CLMN: variants seen among roughly 807,000 people sequenced by gnomAD.
CLMN encodes calmin (calponin-like, transmembrane).
In CLMN, 57 loss-of-function variants were observed where a neutral mutation model predicts 92.7. The ratio of observed to expected loss-of-function variants is 0.61; its 90% confidence interval spans 0.50 to 0.77. The LOEUF (loss-of-function observed/expected upper bound fraction) is 0.77. Ranked by LOEUF, CLMN falls within the 30% of genes least tolerant of loss-of-function variation. The pLI is 0.00. For missense variants in CLMN, 1,158 were observed against 1,237.5 expected (o/e 0.94, Z 0.96); for synonymous variants, 466 against 470.6 (o/e 0.99, Z 0.13).
At chr14:95,198,578 G>A (rs1422157385) in intron 9 of CLMN, among the ~76,000 whole-genome samples, 2 of 152,022 alleles carry the variant, frequency 1.3e-5, no homozygotes, top group Non-Finnish European at 2.9e-5. Flanking sequence ...TGAGGCAGCG[G>A]ACCGGAGCCA....
intron 1 of CLMN, among the ~76,000 whole-genome samples, chr14:95,299,403 C>A (rs1479399596): frequency 1.3e-5 from 2 of 152,198 alleles, no homozygotes; most frequent in Non-Finnish European, 1.5e-5. Context: ...TCTCCTCCAG[C>A]CCCACGGGAC....
chr14:95,251,798 G>C (rs1225724767), intron 1 of CLMN, among the ~76,000 whole-genome samples: 1 of 152,216 alleles, frequency 6.6e-6, no homozygotes, highest in Non-Finnish European at 1.5e-5. Context: ...TTTTGTTGGA[G>C]TGCTGGAGCT....
At chr14:95,209,302 A>G in intron 8 of CLMN, 93 bp downstream of exon 8, 1 of 1,149,250 alleles carries the variant, frequency 8.7e-7, no homozygotes, top group Non-Finnish European at 1.3e-6. Flanking sequence ...TGCTAGTTAC[A>G]CAGAGCAACG....
intron 1 of CLMN, among the ~76,000 whole-genome samples, chr14:95,232,385 C>T (rs1209313129): frequency 6.6e-6 from 1 of 152,226 alleles, no homozygotes; most frequent in Non-Finnish European, 1.5e-5. Flanking sequence ...AATTGATCTC[C>T]TGCAGGAGAG....
At chr14:95,312,249 T>C (rs1901574338) in intron 1 of CLMN, among the ~76,000 whole-genome samples, 1 of 152,158 alleles carries the variant, frequency 6.6e-6, no homozygotes, top group Admixed American at 6.5e-5. Context: ...ACTCCTAGCA[T>C]GTCCCATTCA....
At chr14:95,254,021 C>A (rs1187345010) in intron 1 of CLMN, among the ~76,000 whole-genome samples, 2 of 152,280 alleles carry the variant, frequency 1.3e-5, no homozygotes, top group East Asian at 3.9e-4. Flanking sequence ...CCAATTCTAC[C>A]CATGGGCAGA....
intron 1 of CLMN, among the ~76,000 whole-genome samples, chr14:95,316,514 C>T (rs1024088849): frequency 2.0e-5 from 3 of 152,212 alleles, no homozygotes; most frequent in Admixed American, 6.5e-5. Flanking sequence ...CCAGCTCACC[C>T]GGACCTCCAA....
intron 1 of CLMN, among the ~76,000 whole-genome samples, chr14:95,304,522 C>T (rs981620120): frequency 1.5e-4 from 23 of 151,956 alleles, no homozygotes; most frequent in African/African-American, 4.4e-4. Context: ...CAGCCGGATC[C>T]GTGCATCCCC....
rs779961550 is a variant in CLMN at position 95,194,561 on chromosome 14, C to T, written c.2744G>A (p.Arg915Gln). 27 of 1,614,000 alleles carry T rather than the reference C, an allele frequency of 1.7e-5. No individual in the cohort carries two copies. The East Asian group carries it at 2.0e-4, about 12-fold the overall frequency. ...SHSDSSIYLRRHTHRSSESDH... is the reference protein window; with the variant it reads ...SHSDSSIYLRQHTHRSSESDH... ...CGATTCCGAAGACCTATGAGTATGTCGTCGAAGGTAAATGCTGGAGTCACT... is the reference window on the plus strand; with the variant it reads ...CGATTCCGAAGACCTATGAGTATGTTGTCGAAGGTAAATGCTGGAGTCACT... Residue 915 changes from arginine (R) to glutamine (Q), a missense_variant, in exon 11 of 13, where the codon CGA becomes CAA. Arg to Gln is a conservative substitution (Grantham distance 43, BLOSUM62 1). Coordinates refer to ENST00000298912, the MANE Select transcript of CLMN (RefSeq NM_024734.4). The surrounding 1 kb of genome is among the most constrained non-coding windows in gnomAD (Gnocchi z 4.0).
chr14:95,208,345 G>A (rs913319922), intron 8 of CLMN, among the ~76,000 whole-genome samples: 15 of 152,126 alleles, frequency 9.9e-5, no homozygotes, highest in Admixed American at 2.6e-4. Flanking sequence ...TTATCAGCTC[G>A]GGGTTGTGCA....
At chr14:95,304,601 G>C (rs983112751) in intron 1 of CLMN, among the ~76,000 whole-genome samples, 1 of 152,058 alleles carries the variant, frequency 6.6e-6, no homozygotes, top group East Asian at 1.9e-4. Context: ...TTTATTCTCT[G>C]AAGAGGTTAA....
chr14:95,225,954 T>G (rs1897698355), intron 2 of CLMN, among the ~76,000 whole-genome samples: 1 of 152,204 alleles, frequency 6.6e-6, no homozygotes, highest in South Asian at 2.1e-4. Flanking sequence ...ACTTGTGGGT[T>G]AGATGCTCCA....
chr14:95,277,275 C>A (rs1235738945), intron 1 of CLMN, among the ~76,000 whole-genome samples: 3 of 152,166 alleles, frequency 2.0e-5, no homozygotes, highest in African/African-American at 7.2e-5. Context: ...ATAATGCAGG[C>A]CTAGGACCCC....
intron 4 of CLMN, among the ~76,000 whole-genome samples, chr14:95,218,204 GTGA>G (rs1897414398): frequency 6.6e-6 from 1 of 152,218 alleles, no homozygotes; most frequent in Non-Finnish European, 1.5e-5. Flanking sequence ...CACATGTAGG[GTGA>G]TAACTCAGGG....
At chr14:95,300,142 C>T (rs1359292112) in intron 1 of CLMN, among the ~76,000 whole-genome samples, 1 of 152,198 alleles carries the variant, frequency 6.6e-6, no homozygotes, top group Non-Finnish European at 1.5e-5. Flanking sequence ...CACGGTGTGG[C>T]CACTCCATGG....
At chr14:95,314,617 C>G (rs1418694810) in intron 1 of CLMN, among the ~76,000 whole-genome samples, 2 of 152,192 alleles carry the variant, frequency 1.3e-5, no homozygotes, top group East Asian at 3.9e-4. Context: ...TGCAACAAAG[C>G]CAGGACCCTG....
rs1900707293 is a variant in CLMN, at chr14:95,294,030, AGG to A, written c.82+25679_82+25680del. Reference sequence around the variant, plus strand: ...GAGGGTGACACCAAAGAGGAGGAGGAGGAGGAGGAGGCCAGAAGTCTGGCTGG... The same window carrying A: ...GAGGGTGACACCAAAGAGGAGGAGGAAGGAGGAGGCCAGAAGTCTGGCTGG... On this transcript the variant is annotated intron_variant, in intron 1 of 12. Transcript: ENST00000298912. This position sits in a 1 kb window ranked among gnomAD's most constrained non-coding sequence, Gnocchi z 4.2. Among the ~76,000 whole-genome samples the A allele has an allele frequency of 6.6e-6, 1 of 152,112 alleles. No individual in the cohort carries two copies. The highest frequency in any genetic ancestry group is 6.6e-5 in the Admixed American group (1 of 15,264).
At chr14:95,280,085 G>A (rs1215121150) in intron 1 of CLMN, among the ~76,000 whole-genome samples, 1 of 151,896 alleles carries the variant, frequency 6.6e-6, no homozygotes, top group Non-Finnish European at 1.5e-5. Flanking sequence ...TCTTGTAAAA[G>A]AAATTGTGTG....
rs1221225721 is a variant in CLMN, at chr14:95,203,968, C to A, written c.1381G>T (p.Gly461Ter). 6.2e-7 allele frequency: 1 copy of A among 1,614,158 alleles called. No individual in the cohort carries two copies. The change falls in exon 9 of 13, where the codon GGA becomes TGA. Residue 461 changes from glycine (G) to a stop codon, truncating the protein, a stop_gained. Coordinates refer to ENST00000298912, the MANE Select transcript of CLMN (RefSeq NM_024734.4). LOFTEE classifies it high-confidence loss of function. ...RVAKESLRQDGHVLAVEVAEE... is the reference protein window; with the variant it reads ...RVAKESLRQD ...GCAACCTCAACTGCCAAGACATGTC[C>A]ATCCTGCCTCAATGATTCCTTTGCC...
Sources: gnomAD v4.1 joint callset for allele counts (sites outside exome capture counted in the v4.1 genomes callset) on GRCh38, gnomAD v4.1.1 for gene constraint, Gnocchi (gnomAD v3.1) non-coding constraint, MANE v1.5 for transcripts, NCBI Gene and HGNC (gene_info 2026-07-23, HGNC 2026-07-21) for gene names.